Variants in AKIRIN1 observed in about 807,000 individuals in gnomAD.
AKIRIN1 encodes akirin 1, also known as akirin-1.
A neutral mutation model predicts 25.9 loss-of-function variants in AKIRIN1; 4 were observed. The ratio of observed to expected loss-of-function variants is 0.15; its 90% CI spans 0.08 to 0.35. The LOEUF (loss-of-function observed/expected upper bound fraction) is 0.35, where lower values mean the gene tolerates loss of function less well. AKIRIN1 is among the 10% of genes least tolerant of loss of function. The pLI, the probability that AKIRIN1 is intolerant of heterozygous loss-of-function variation, is 1.00. For missense variants in AKIRIN1, 243 were observed against 266.1 expected (o/e 0.91, Z 0.61); for synonymous variants, 125 against 105.1 (o/e 1.19, Z -1.16).
intron 3 of AKIRIN1, among the ~76,000 whole-genome samples, chr1:39,001,423 C>T (rs1392038164): frequency 6.6e-6 from 1 of 151,862 alleles, no homozygotes; most frequent in Non-Finnish European, 1.5e-5. Flanking sequence ...GCCACCATGC[C>T]TGGCTAATTT....
chr1:39,004,775 A>C lies in AKIRIN1; in HGVS notation c.*720A>C, dbSNP rs1451336190. The C allele has an allele frequency of 6.5e-6, 1 of 154,376 alleles. No homozygotes were observed. The highest frequency in any genetic ancestry group is 1.9e-4 in the East Asian group (1 of 5,238). 9.6% of individuals were successfully genotyped at this position (154,376 alleles called of 1,614,324 possible). A position where few individuals can be genotyped will look rare whatever the true frequency, so the allele number is the denominator to read the frequency against. On this transcript the variant is annotated 3_prime_UTR_variant, in exon 5 of 5. Transcript: ENST00000432648. Reference sequence around the variant, plus strand: ...GGACTCTGCCTGGGCATGTTAGGTTAATTCTTTGACTCCAAGCCTTAAAAT... The same window carrying C: ...GGACTCTGCCTGGGCATGTTAGGTTCATTCTTTGACTCCAAGCCTTAAAAT...
chr1:38,998,367 A>G lies in AKIRIN1; in HGVS notation c.361+56A>G, dbSNP rs1643963316. On this transcript the variant is annotated intron_variant, in intron 2 of 4. Transcript: ENST00000432648. ...TTAAGAGTTTGTAAATGGTACTTAT[A>G]ATGATGAATCTAGAATTGGCCTCCT... 13 of 1,525,546 alleles carry G rather than the reference A, an allele frequency of 8.5e-6. No homozygotes were observed. The South Asian group carries it at 1.5e-4, about 18-fold the overall frequency. 94.5% of individuals were successfully genotyped at this position (1,525,546 alleles called of 1,614,324 possible).
At chr1:39,000,065 G>A (rs1184720649) in intron 2 of AKIRIN1, among the ~76,000 whole-genome samples, 1 of 151,886 alleles carries the variant, frequency 6.6e-6, no homozygotes, top group Non-Finnish European at 1.5e-5. Context: ...TGTATTTTTA[G>A]TAGAGGCGGG....
At chr1:38,993,176 T>C (rs1643922052) in intron 1 of AKIRIN1, among the ~76,000 whole-genome samples, 1 of 152,130 alleles carries the variant, frequency 6.6e-6, no homozygotes, top group Admixed American at 6.6e-5. Context: ...AAGTGATGGG[T>C]TTAATGTAAA....
At chr1:39,003,996 A>G in intron 4 of AKIRIN1, 49 bp from the exon 5 acceptor site, 1 of 1,544,316 alleles carries the variant, frequency 6.5e-7, no homozygotes, top group Non-Finnish European at 8.9e-7. Flanking sequence ...GCATGACACT[A>G]CAGTTTTTAG....
Position 38,991,380 on chromosome 1 carries a change from C to T in AKIRIN1, c.-1C>T. 1.5e-6 allele frequency: 2 copies of T among 1,337,334 alleles called. No homozygotes were observed. The highest frequency in any genetic ancestry group is 9.6e-7 in the Non-Finnish European group (1 of 1,046,738). The allele number at this position is 1,337,334 out of a possible 1,614,324, so 82.8% of individuals were successfully genotyped here. Reference sequence around the variant, plus strand: ...CTCCCGGTCCCTGGCCCCTCAGCGGCATGGCGTGCGGGGCGACGCTGAAGC... The same window carrying T: ...CTCCCGGTCCCTGGCCCCTCAGCGGTATGGCGTGCGGGGCGACGCTGAAGC... On this transcript the variant is annotated 5_prime_UTR_variant, in exon 1 of 5. Transcript: ENST00000432648.
Position 39,004,295 on chromosome 1 carries a change from A to G in AKIRIN1, c.*240A>G, listed in dbSNP as rs1401697069. On this transcript the variant is annotated 3_prime_UTR_variant, in exon 5 of 5. Transcript: ENST00000432648. ...TGCCCTACTGTGATAGATTTTCCAA[A>G]CAAAAATACCTGGAGCAGCAGTTTA... is the stretch of plus-strand genomic sequence containing the variant. The G allele has an allele frequency of 7.5e-6, 5 of 666,836 alleles. No individual in the cohort carries two copies. The highest frequency in any genetic ancestry group is 1.1e-5 in the Non-Finnish European group (4 of 366,466). The allele number at this position is 666,836 out of a possible 1,614,324, so 41.3% of individuals were successfully genotyped here.
chr1:38,992,949 G>A (rs1433357755), intron 1 of AKIRIN1, among the ~76,000 whole-genome samples: 1 of 152,172 alleles, frequency 6.6e-6, no homozygotes, highest in East Asian at 1.9e-4. Flanking sequence ...TACAGGATGA[G>A]ATAATGTTTG....
chr1:38,996,403 A>G (rs995586905), intron 1 of AKIRIN1, among the ~76,000 whole-genome samples: 2 of 151,502 alleles, frequency 1.3e-5, no homozygotes, highest in Admixed American at 1.3e-4. Flanking sequence ...CTTTTTTTTA[A>G]TACTGGGTCT....
chr1:39,005,883 A>G lies in AKIRIN1; in HGVS notation c.*1828A>G, dbSNP rs1469471004. ...TGCAAACAAATAAAATACTTAAGCTATTTGTTTACCTTGCCTTCTTAATAC... is the reference window on the plus strand; with the variant it reads ...TGCAAACAAATAAAATACTTAAGCTGTTTGTTTACCTTGCCTTCTTAATAC... On this transcript the variant is annotated 3_prime_UTR_variant, in exon 5 of 5. Transcript: ENST00000432648. The G allele has an allele frequency of 2.6e-5, 4 of 152,128 alleles. No homozygotes were observed. The highest frequency in any genetic ancestry group is 7.2e-5 in the African/African-American group (3 of 41,424). 9.4% of individuals were successfully genotyped at this position (152,128 alleles called of 1,614,324 possible). A position where few individuals can be genotyped will look rare whatever the true frequency, so the allele number is the denominator to read the frequency against.
chr1:38,998,480 C>G (rs1014879164), intron 2 of AKIRIN1, among the ~76,000 whole-genome samples, 169 bp downstream of exon 2: 1 of 152,180 alleles, frequency 6.6e-6, no homozygotes, highest in African/African-American at 2.4e-5. Flanking sequence ...AGAAACCTCA[C>G]ATTGATTTGA....
intron 4 of AKIRIN1, 89 bp from the exon 5 acceptor site, chr1:39,003,956 T>C: frequency 8.7e-7 from 1 of 1,148,854 alleles, no homozygotes; most frequent in Non-Finnish European, 1.3e-6. Flanking sequence ...ATGCTATTTC[T>C]CACATTTACT....
At chr1:38,997,905 T>C (rs758003416) in intron 1 of AKIRIN1, among the ~76,000 whole-genome samples, 5 of 152,186 alleles carry the variant, frequency 3.3e-5, no homozygotes, top group Admixed American at 1.3e-4. Flanking sequence ...GGGAACTCTG[T>C]CTGGTTTATG....
chr1:38,993,208 C>T (rs976203683), intron 1 of AKIRIN1, among the ~76,000 whole-genome samples: 2 of 152,114 alleles, frequency 1.3e-5, no homozygotes, highest in African/African-American at 2.4e-5. Flanking sequence ...ATACTACTAT[C>T]CTCTAGACTA....
chr1:38,996,623 C>A (rs958564904), intron 1 of AKIRIN1, among the ~76,000 whole-genome samples: 2 of 151,900 alleles, frequency 1.3e-5, no homozygotes, highest in Non-Finnish European at 1.5e-5. Flanking sequence ...TCCACCTCCC[C>A]GGTTCAAGAG....
intron 1 of AKIRIN1, among the ~76,000 whole-genome samples, chr1:38,996,602 T>C (rs1005219495): frequency 1.3e-5 from 2 of 152,030 alleles, no homozygotes; most frequent in Admixed American, 1.3e-4. Flanking sequence ...CAATCTCGGC[T>C]CAGTGCAACC....
chr1:38,995,893 G>A (rs1390561891), intron 1 of AKIRIN1, among the ~76,000 whole-genome samples: 4 of 152,146 alleles, frequency 2.6e-5, no homozygotes, highest in Non-Finnish European at 5.9e-5. Flanking sequence ...AATTAGGTGG[G>A]TGTGGTGGCG....
chr1:38,992,342 A>G (rs928898643), intron 1 of AKIRIN1, among the ~76,000 whole-genome samples: 1 of 152,200 alleles, frequency 6.6e-6, no homozygotes, highest in African/African-American at 2.4e-5. Flanking sequence ...CTGGCGTTAC[A>G]GTAGACACCT....
rs535829208 is a variant in AKIRIN1, at chr1:39,003,940, T to C, written c.569-105T>C. 9 of 950,980 alleles carry C rather than the reference T, an allele frequency of 9.5e-6. No individual in the cohort carries two copies. The East Asian group carries it at 2.2e-4, about 23-fold the overall frequency. The allele number at this position is 950,980 out of a possible 1,614,324, so 58.9% of individuals were successfully genotyped here. On this transcript the variant is annotated intron_variant, in intron 4 of 4. Transcript: ENST00000432648. ...TTAGTATCTTTTAAGTGGTGAGTCA[T>C]CGTTCATGCTATTTCTCACATTTAC...
Sources: gnomAD v4.1 joint callset for allele counts (sites outside exome capture counted in the v4.1 genomes callset) on GRCh38, gnomAD v4.1.1 for gene constraint, MANE v1.5 for transcripts, NCBI Gene and HGNC (gene_info 2026-07-23, HGNC 2026-07-21) for gene names.